MACROD2: variants seen among roughly 807,000 people sequenced by gnomAD.
MACROD2 encodes mono-ADP ribosylhydrolase 2, also known as ADP-ribose glycohydrolase MACROD2.
In MACROD2, 36 loss-of-function variants were observed where a neutral mutation model predicts 70.4. The observed-to-expected ratio is 0.51, with a 90% CI of 0.39 to 0.68. The LOEUF (loss-of-function observed/expected upper bound fraction) is 0.68, where lower values mean the gene tolerates loss of function less well. Among genes scored for constraint, MACROD2 ranks in the 30% least tolerant of loss-of-function variants. The probability of loss-of-function intolerance (pLI) is 0.00; values close to 1 mark genes in which losing one functional copy is unlikely to be tolerated. For missense variants in MACROD2, 496 were observed against 538.4 expected (o/e 0.92, Z 0.78); for synonymous variants, 172 against 178.8 (o/e 0.96, Z 0.30).
At chr20:15,706,913 G>T (rs962020410) in intron 8 of MACROD2, among the ~76,000 whole-genome samples, 1 of 152,164 alleles carries the variant, frequency 6.6e-6, no homozygotes, top group African/African-American at 2.4e-5. Context: ...TGATTCATGG[G>T]CCCTGATGTT....
At chr20:15,453,786 T>C (rs2046677138) in intron 7 of MACROD2, among the ~76,000 whole-genome samples, 1 of 152,154 alleles carries the variant, frequency 6.6e-6, no homozygotes, top group Non-Finnish European at 1.5e-5. Flanking sequence ...ACCATGCATG[T>C]TCACCAAAGC....
rs1184903785 is a variant in MACROD2, at chr20:15,155,897, TCA to T, written c.419-74042_419-74041del. 2.0e-5 allele frequency among the ~76,000 whole-genome samples: 3 copies of T among 152,204 alleles called. No individual in the cohort carries two copies. In the East Asian group the frequency reaches 5.8e-4, roughly 30 times the overall value. ...ATGACCCAATGGCTTTTAGTGTGTC[TCA>T]GTTTTAATTTTGCAAATCTGGTGCT... On this transcript the variant is annotated intron_variant, in intron 5 of 17. Coordinates refer to ENST00000684519, the MANE Select transcript of MACROD2 (RefSeq NM_001351661.2).
At chr20:14,876,339 T>G (rs1305916025) in intron 5 of MACROD2, among the ~76,000 whole-genome samples, 1 of 152,182 alleles carries the variant, frequency 6.6e-6, no homozygotes, top group Non-Finnish European at 1.5e-5. Context: ...GTTCAGTTGT[T>G]TAAGTTACTT....
At chr20:15,871,880 T>A (rs2064589870) in intron 9 of MACROD2, among the ~76,000 whole-genome samples, 1 of 152,182 alleles carries the variant, frequency 6.6e-6, no homozygotes, top group Admixed American at 6.5e-5. Context: ...TAGGATAGAT[T>A]CTATATTTAA....
intron 4 of MACROD2, among the ~76,000 whole-genome samples, chr20:14,678,664 G>A (rs1470561786): frequency 6.6e-6 from 1 of 151,994 alleles, no homozygotes. Context: ...GCCTCCCCAG[G>A]GTAGATGTGA....
At chr20:15,703,235 G>T (rs1476152867) in intron 8 of MACROD2, among the ~76,000 whole-genome samples, 1 of 152,176 alleles carries the variant, frequency 6.6e-6, no homozygotes, top group African/African-American at 2.4e-5. Context: ...ATAAAGATCT[G>T]TTCTAATTAT....
At chr20:16,036,195 A>G (rs1260799160) in intron 15 of MACROD2, among the ~76,000 whole-genome samples, 2 of 151,970 alleles carry the variant, frequency 1.3e-5, no homozygotes, top group African/African-American at 4.8e-5. Context: ...GCAACTACAG[A>G]TTCTGCCAAA....
intron 5 of MACROD2, among the ~76,000 whole-genome samples, chr20:15,096,303 C>T (rs1313268492): frequency 6.6e-6 from 1 of 151,958 alleles, no homozygotes; most frequent in Non-Finnish European, 1.5e-5. Flanking sequence ...TTAAGAAGCA[C>T]AGAACGTGGC....
chr20:15,384,228 T>A (rs2045681709), intron 6 of MACROD2, among the ~76,000 whole-genome samples: 1 of 152,040 alleles, frequency 6.6e-6, no homozygotes, highest in Non-Finnish European at 1.5e-5. Context: ...TCTGGAAAGG[T>A]CCAAGACAGA....
intron 12 of MACROD2, among the ~76,000 whole-genome samples, chr20:15,955,363 G>T (rs898124555): frequency 6.6e-6 from 1 of 152,124 alleles, no homozygotes; most frequent in Non-Finnish European, 1.5e-5. Context: ...CAACCATTGG[G>T]TATTGTTCAG....
At chr20:15,658,960 C>T (rs574748309) in intron 8 of MACROD2, among the ~76,000 whole-genome samples, 118 of 152,232 alleles carry the variant, frequency 7.8e-4, no homozygotes, top group Non-Finnish European at 1.4e-3. Flanking sequence ...AAGCATGCTT[C>T]GTTTCTTAAG....
chr20:15,710,967 G>A (rs1027093863), intron 8 of MACROD2, among the ~76,000 whole-genome samples: 4 of 152,130 alleles, frequency 2.6e-5, no homozygotes, highest in Non-Finnish European at 5.9e-5. Flanking sequence ...GTTTCCTTCC[G>A]CAGCCCTTTA....
chr20:14,276,307 A>G (rs1323176295), intron 3 of MACROD2, among the ~76,000 whole-genome samples: 4 of 150,962 alleles, frequency 2.6e-5, no homozygotes, highest in Non-Finnish European at 5.9e-5. Context: ...ATAAAAAATG[A>G]TGAGTTCATG....
At chr20:14,967,766 A>T (rs547866296) in intron 5 of MACROD2, among the ~76,000 whole-genome samples, 3 of 152,156 alleles carry the variant, frequency 2.0e-5, no homozygotes, top group Admixed American at 2.0e-4. Flanking sequence ...TTTACTTCAT[A>T]TTTTCTTAAG....
intron 7 of MACROD2, among the ~76,000 whole-genome samples, chr20:15,472,120 A>G (rs1284489060): frequency 6.6e-5 from 10 of 152,200 alleles, no homozygotes; most frequent in Non-Finnish European, 1.5e-4. Context: ...CTTAAAGTAT[A>G]TACCAACAAC....
At chr20:15,521,420 T>C (rs2047651403) in intron 8 of MACROD2, among the ~76,000 whole-genome samples, 1 of 152,212 alleles carries the variant, frequency 6.6e-6, no homozygotes, top group South Asian at 2.1e-4. Flanking sequence ...AGAAATAAAA[T>C]ATACAGCCCT....
At chr20:15,270,450 G>T (rs531032964) in intron 6 of MACROD2, among the ~76,000 whole-genome samples, 6 of 152,260 alleles carry the variant, frequency 3.9e-5, no homozygotes, top group South Asian at 2.1e-4. Flanking sequence ...ACTGCCAGGG[G>T]TTAGGTGTTA....
At chr20:14,363,091 C>A (rs917410817) in intron 3 of MACROD2, among the ~76,000 whole-genome samples, 13 of 152,296 alleles carry the variant, frequency 8.5e-5, no homozygotes, top group African/African-American at 3.1e-4. Flanking sequence ...CTCAGCTCCA[C>A]CTCTTCACCT....
At chr20:14,087,073 C>T (rs184589890) in intron 3 of MACROD2, among the ~76,000 whole-genome samples, 87 of 152,200 alleles carry the variant, frequency 5.7e-4, no homozygotes, top group Middle Eastern at 6.8e-3. Context: ...TTCAGAATAC[C>T]GGTCAGCTTG....
Sources: allele counts gnomAD v4.1 joint callset (sites outside exome capture counted in the v4.1 genomes callset), GRCh38; gene constraint gnomAD v4.1.1; transcripts MANE v1.5; gene names NCBI Gene and HGNC (gene_info 2026-07-23, HGNC 2026-07-21).